Variants in BBOX1 observed in about 807,000 individuals in gnomAD.
BBOX1 encodes the protein gamma-butyrobetaine hydroxylase 1, also known as gamma-butyrobetaine dioxygenase.
BBOX1 carries 35 observed loss-of-function variants against 41.6 expected under a neutral mutation model. The ratio of observed to expected loss-of-function variants is 0.84; its 90% confidence interval spans 0.64 to 1.11. The LOEUF is 1.11. Ranked by LOEUF, BBOX1 falls within the 50% of genes most tolerant of loss-of-function variation. The pLI, the probability that BBOX1 is intolerant of heterozygous loss-of-function variation, is 0.00. For missense variants in BBOX1, 458 were observed against 460.6 expected (o/e 0.99, Z 0.05); for synonymous variants, 163 against 154.7 (o/e 1.05, Z -0.40).
intron 8 of BBOX1, among the ~76,000 whole-genome samples, chr11:27,126,601 G>T (rs767219368): frequency 6.6e-5 from 10 of 151,932 alleles, no homozygotes; most frequent in Non-Finnish European, 5.9e-5. Context: ...TAGGCACACA[G>T]AAGACAAACT....
chr11:27,055,340 C>A, intron 2 of BBOX1, 53 bp from the exon 3 acceptor site: 3 of 1,320,922 alleles, frequency 2.3e-6, no homozygotes, highest in Non-Finnish European at 1.1e-6. Flanking sequence ...CTCTCAGAGG[C>A]CAAGTTTAGA....
At chr11:27,107,916 T>C (rs922529719) in intron 5 of BBOX1, among the ~76,000 whole-genome samples, 4 of 152,116 alleles carry the variant, frequency 2.6e-5, no homozygotes, top group African/African-American at 9.7e-5. Flanking sequence ...CTTGGCATGA[T>C]TCATTTCTAT....
At chr11:27,067,736 G>A (rs1456279020) in intron 4 of BBOX1, among the ~76,000 whole-genome samples, 1 of 151,894 alleles carries the variant, frequency 6.6e-6, no homozygotes, top group African/African-American at 2.4e-5. Context: ...ACTCCAGCCT[G>A]TACGACAGAG....
At chr11:27,069,090 G>A (rs932626121) in intron 4 of BBOX1, among the ~76,000 whole-genome samples, 29 of 151,204 alleles carry the variant, frequency 1.9e-4, no homozygotes, top group African/African-American at 6.8e-4. Context: ...ATGAATTTTG[G>A]GATTTTTTTT....
chr11:27,104,810 C>T (rs994697028), intron 5 of BBOX1, among the ~76,000 whole-genome samples: 3 of 152,128 alleles, frequency 2.0e-5, no homozygotes, highest in African/African-American at 7.2e-5. Context: ...GGGTCCCTGA[C>T]CCCTGAGTAG....
chr11:27,049,736 A>G (rs528930991), intron 2 of BBOX1, among the ~76,000 whole-genome samples: 1 of 152,244 alleles, frequency 6.6e-6, no homozygotes, highest in East Asian at 1.9e-4. Context: ...CACTTACTTG[A>G]TTAAAATAAG....
At chr11:27,126,677 C>A (rs1457745261) in intron 8 of BBOX1, among the ~76,000 whole-genome samples, 1 of 127,828 alleles carries the variant, frequency 7.8e-6, no homozygotes, top group African/African-American at 2.8e-5. Flanking sequence ...TCTTTTTTTT[C>A]TTTTTTTTTT....
At chr11:27,087,723 A>G (rs1236376556) in intron 4 of BBOX1, among the ~76,000 whole-genome samples, 1 of 152,064 alleles carries the variant, frequency 6.6e-6, no homozygotes, top group Non-Finnish European at 1.5e-5. Flanking sequence ...TGTGAAAGTC[A>G]TATTTAGCAT....
chr11:27,114,314 G>T (rs73432202), intron 5 of BBOX1, among the ~76,000 whole-genome samples: 9,027 of 151,752 alleles, frequency 0.059, 893 homozygotes, highest in African/African-American at 0.21. Context: ...AAATTGTTAA[G>T]ATGTCAATAC....
chr11:27,056,607 C>A (rs1183326885), intron 3 of BBOX1, among the ~76,000 whole-genome samples: 1 of 152,096 alleles, frequency 6.6e-6, no homozygotes, highest in African/African-American at 2.4e-5. Context: ...TGACAACTAG[C>A]TTCAGTTATC....
intron 4 of BBOX1, among the ~76,000 whole-genome samples, chr11:27,076,282 C>T (rs1857626680): frequency 1.3e-5 from 2 of 152,128 alleles, no homozygotes; most frequent in South Asian, 2.1e-4. Context: ...AGGGGAGTGA[C>T]GTAGACCCTA....
chr11:27,055,326 C>G lies in BBOX1; in HGVS notation c.-38-67C>G, dbSNP rs570470650. On this transcript the variant is annotated intron_variant, in intron 2 of 8. Transcript: ENST00000263182. ...GAGGCCAGAGTCCACTTGAAGTGTT[C>G]ACACTCTCAGAGGCCAAGTTTAGAT... is the stretch of plus-strand genomic sequence containing the variant. 686 of 1,129,720 alleles carry G rather than the reference C, an allele frequency of 6.1e-4. 5 individuals are homozygous for G. In the South Asian group the frequency reaches 9.7e-3, roughly 16 times the overall value. The allele number at this position is 1,129,720 out of a possible 1,614,324, so 70.0% of individuals were successfully genotyped here.
At chr11:27,095,283 G>C (rs1014180634) in intron 5 of BBOX1, among the ~76,000 whole-genome samples, 1 of 151,908 alleles carries the variant, frequency 6.6e-6, no homozygotes. Flanking sequence ...TTTCATAAGA[G>C]TGGCCAAATT....
At chr11:27,066,406 T>G (rs979230509) in intron 4 of BBOX1, 28 of 152,140 alleles carry the variant, frequency 1.8e-4, no homozygotes, top group African/African-American at 6.8e-4. Flanking sequence ...AAGGGATAAA[T>G]TTGTCCTGCC....
intron 2 of BBOX1, among the ~76,000 whole-genome samples, chr11:27,046,069 C>G (rs1234812719): frequency 6.6e-6 from 1 of 152,134 alleles, no homozygotes; most frequent in Non-Finnish European, 1.5e-5. Context: ...ACAAATCACA[C>G]CCAACATTTC....
At chr11:27,097,052 G>A (rs1858463325) in intron 5 of BBOX1, among the ~76,000 whole-genome samples, 2 of 151,810 alleles carry the variant, frequency 1.3e-5, no homozygotes, top group East Asian at 1.9e-4. Flanking sequence ...TACTTTCCTA[G>A]GACAAAAGAA....
intron 4 of BBOX1, among the ~76,000 whole-genome samples, chr11:27,072,369 G>A (rs963523436): frequency 1.3e-5 from 2 of 152,110 alleles, no homozygotes; most frequent in South Asian, 2.1e-4. Flanking sequence ...TACAGGGGAC[G>A]TGAAGGACCT....
intron 6 of BBOX1, among the ~76,000 whole-genome samples, chr11:27,116,211 T>G (rs1412429618): frequency 6.6e-6 from 1 of 151,690 alleles, no homozygotes; most frequent in Non-Finnish European, 1.5e-5. Context: ...CTCAGCAAAC[T>G]AACACAGGAA....
chr11:27,045,663 A>G (rs1202010849), intron 2 of BBOX1, among the ~76,000 whole-genome samples: 1 of 151,978 alleles, frequency 6.6e-6, no homozygotes, highest in Non-Finnish European at 1.5e-5. Context: ...TTATCGAAGC[A>G]TCATACTTCT....
Sources: allele counts gnomAD v4.1 joint callset (sites outside exome capture counted in the v4.1 genomes callset), GRCh38; gene constraint gnomAD v4.1.1; transcripts MANE v1.5; gene names NCBI Gene and HGNC (gene_info 2026-07-23, HGNC 2026-07-21).